PMF1: variants seen among roughly 807,000 people sequenced by gnomAD.
PMF1 encodes polyamine modulated factor 1.
PMF1 carries 21 observed loss-of-function variants against 26.7 expected under a neutral mutation model. The ratio of observed to expected loss-of-function variants is 0.79; its 90% confidence interval spans 0.56 to 1.13. The LOEUF is 1.13. Among genes scored for constraint, PMF1 ranks in the 50% most tolerant of loss-of-function variants. The pLI is 0.00. For synonymous variants in PMF1, 105 were observed against 101.0 expected, an observed-to-expected ratio of 1.04 and a Z score of -0.24; for missense variants, 266 against 254.9, an observed-to-expected ratio of 1.04 and a Z score of -0.30.
chr1:156,215,201 G>C (rs565684159), intron 1 of PMF1, among the ~76,000 whole-genome samples: 1 of 152,134 alleles, frequency 6.6e-6, no homozygotes, highest in South Asian at 2.1e-4. Flanking sequence ...AAGAATTACA[G>C]AACGAATGTA....
intron 1 of PMF1, among the ~76,000 whole-genome samples, chr1:156,231,216 CAAAAAAAAAAAAAAA>C (rs71080753): frequency 6.2e-5 from 3 of 48,396 alleles, no homozygotes; most frequent in South Asian, 2.2e-3. Context: ...GACTCCATCT[CAAAAAAAAAAAAAAA>C]AAAAAAAAAA....
chr1:156,217,985 G>A (rs1184876859), intron 1 of PMF1, among the ~76,000 whole-genome samples: 1 of 152,210 alleles, frequency 6.6e-6, no homozygotes, highest in South Asian at 2.1e-4. Flanking sequence ...TGTTCCATCA[G>A]ATTACTTTCC....
chr1:156,226,106 C>T (rs1025519155), intron 1 of PMF1, among the ~76,000 whole-genome samples: 5 of 152,110 alleles, frequency 3.3e-5, no homozygotes, highest in African/African-American at 9.7e-5. Flanking sequence ...CCCCCCACTT[C>T]GGCCTCCCAA....
chr1:156,230,496 C>T (rs1658632251), intron 1 of PMF1, among the ~76,000 whole-genome samples: 1 of 152,152 alleles, frequency 6.6e-6, no homozygotes, highest in Non-Finnish European at 1.5e-5. Flanking sequence ...ACCTCGAATA[C>T]CCAGTTCCTG....
chr1:156,232,360 T>C lies in PMF1; in HGVS notation c.202T>C (p.Leu68=), dbSNP rs746880643. Residue 68 remains leucine, a synonymous_variant, in exon 2 of 5, where the codon TTG becomes CTG. Transcript: ENST00000368277. ...FTDCYKCFYQ[L]QPAMTQQIYD... ...TGACTGCTATAAGTGCTTCTACCAG[T>C]TGCAGCCTGCGATGACACAGCAAAT... 2 of 1,614,048 alleles carry C rather than the reference T, an allele frequency of 1.2e-6. No individual in the cohort carries two copies. The highest frequency in any genetic ancestry group is 1.7e-6 in the Non-Finnish European group (2 of 1,179,912).
chr1:156,239,470 T>C, intron 4 of PMF1, 78 bp from the exon 5 acceptor site: 1 of 1,170,810 alleles, frequency 8.5e-7, no homozygotes, highest in Non-Finnish European at 1.3e-6. Flanking sequence ...ACCCCAGGCC[T>C]GGAGTCAGGG....
chr1:156,214,062 C>T (rs1204842389), intron 1 of PMF1, among the ~76,000 whole-genome samples: 2 of 152,210 alleles, frequency 1.3e-5, no homozygotes, highest in East Asian at 3.8e-4. Context: ...CAGGTGCACA[C>T]TACCACACCC....
In PMF1 at chr1:156,233,737, G is replaced by T. The variant is rs370004671; in HGVS notation, c.368+9G>T. 6.2e-7 allele frequency: 1 copy of T among 1,612,176 alleles called. No homozygotes were observed. The highest frequency in any genetic ancestry group is 2.2e-5 in the East Asian group (1 of 44,800). ...CGCAAAGAGCCAGCCTGGTGAGAGT[G>T]GGGTGGGGAGGTGAGAAGGTACAGG... On this transcript the variant is annotated intron_variant, in intron 3 of 4. Coordinates refer to ENST00000368277, the MANE Select transcript of PMF1 (RefSeq NM_007221.4).
In PMF1 at chr1:156,239,640, C is replaced by G; in HGVS notation, c.*39C>G. 1 of 1,576,984 alleles carries G rather than the reference C, an allele frequency of 6.3e-7. No homozygotes were observed. The highest frequency in any genetic ancestry group is 1.1e-5 in the South Asian group (1 of 90,034). ...CCCAGAAGCAGAGGGCAGTCAAGGTCAAGAGCCTGTGGTCCAGCATGCCTG... is the reference window on the plus strand; with the variant it reads ...CCCAGAAGCAGAGGGCAGTCAAGGTGAAGAGCCTGTGGTCCAGCATGCCTG... On this transcript the variant is annotated 3_prime_UTR_variant, in exon 5 of 5. Coordinates refer to ENST00000368277, the MANE Select transcript of PMF1 (RefSeq NM_007221.4).
intron 1 of PMF1, chr1:156,225,625 A>G: frequency 2.2e-5 from 35 of 1,564,184 alleles, no homozygotes; most frequent in Non-Finnish European, 3.0e-5. Context: ...TCTGTGAAAC[A>G]GGCCTTCAGT....
intron 1 of PMF1, among the ~76,000 whole-genome samples, chr1:156,224,884 A>G (rs192670121): frequency 1.3e-5 from 2 of 151,548 alleles, no homozygotes; most frequent in African/African-American, 4.9e-5. Context: ...GGAGAGAGAA[A>G]AAGACCAAAT....
intron 4 of PMF1, chr1:156,237,434 G>A (rs1659086718): frequency 7.3e-6 from 1 of 136,346 alleles, no homozygotes; most frequent in Non-Finnish European, 1.6e-5. Context: ...TCACCAGCAT[G>A]TTATTTTTTG....
chr1:156,236,312 G>C lies in PMF1; in HGVS notation c.393G>C (p.Lys131Asn). 2 of 1,610,800 alleles carry C rather than the reference G, an allele frequency of 1.2e-6. No homozygotes were observed. Among genetic ancestry groups the C allele is most frequent in the Non-Finnish European group, 1.7e-6 (2 of 1,177,220 alleles). ...PAWRPSGIPE[K>N]DLHSVMAPYF... is the part of the protein sequence containing the mutation. The stretch of plus-strand genomic sequence containing the variant: ...GGCGCCCCAGCGGGATCCCAGAGAA[G>C]GATCTGCACAGTGTTATGGCACCCT... Residue 131 changes from lysine to asparagine, a missense_variant, in exon 4 of 5, where the codon AAG becomes AAC. Coordinates refer to ENST00000368277, the MANE Select transcript of PMF1 (RefSeq NM_007221.4).
intron 1 of PMF1, among the ~76,000 whole-genome samples, chr1:156,222,122 C>G (rs1658207685): frequency 6.6e-6 from 1 of 152,194 alleles, no homozygotes; most frequent in Admixed American, 6.5e-5. Flanking sequence ...TGTACAAGGC[C>G]ATTCCTTCCC....
At chr1:156,215,169 C>T (rs1284550858) in intron 1 of PMF1, among the ~76,000 whole-genome samples, 4 of 152,042 alleles carry the variant, frequency 2.6e-5, no homozygotes, top group Non-Finnish European at 5.9e-5. Context: ...AGCCACTGCA[C>T]CCAGGCGGAA....
intron 1 of PMF1, among the ~76,000 whole-genome samples, chr1:156,214,976 C>A (rs1217588409): frequency 6.6e-6 from 1 of 151,560 alleles, no homozygotes. Context: ...CTGCCGGGTT[C>A]AAGTGATTCT....
Position 156,213,171 on chromosome 1 carries a change from C to T in PMF1, c.156C>T (p.Ala52=). ...CTTTTCTTCAGAAGCTGGTCGCCGCCGGCAGGTAAAGTGGACGCAGCCGCG... is the reference window on the plus strand; with the variant it reads ...CTTTTCTTCAGAAGCTGGTCGCCGCTGGCAGGTAAAGTGGACGCAGCCGCG... ...VDTFLQKLVA[A]GSYQRFTDCY... Residue 52 remains alanine (A), a synonymous_variant, in exon 1 of 5, where the codon GCC becomes GCT. Transcript: ENST00000368277. The T allele has an allele frequency of 6.2e-7, 1 of 1,612,744 alleles. No homozygotes were observed. Among genetic ancestry groups the T allele is most frequent in the Non-Finnish European group, 8.5e-7 (1 of 1,178,870 alleles).
At chr1:156,237,791 C>G (rs908762852) in intron 4 of PMF1, among the ~76,000 whole-genome samples, 1 of 152,004 alleles carries the variant, frequency 6.6e-6, no homozygotes, top group African/African-American at 2.4e-5. Context: ...CAGTCTTGCT[C>G]TGTTGCCCAG....
Position 156,225,623 on chromosome 1 carries a change from A to G in PMF1, c.162-6697A>G, listed in dbSNP as rs1285607892. Reference sequence around the variant, plus strand: ...TGCCCTCTGGTGGACAGTCTGTGAAACAGGCCTTCAGTTGGGCGGCGTGCA... The same window carrying G: ...TGCCCTCTGGTGGACAGTCTGTGAAGCAGGCCTTCAGTTGGGCGGCGTGCA... On this transcript the variant is annotated intron_variant, in intron 1 of 4. Coordinates refer to ENST00000368277, the MANE Select transcript of PMF1 (RefSeq NM_007221.4). The G allele has an allele frequency of 2.6e-6, 4 of 1,563,964 alleles. No homozygotes were observed. In the East Asian group the frequency reaches 9.4e-5, roughly 37 times the overall value.
Sources: allele counts gnomAD v4.1 joint callset (sites outside exome capture counted in the v4.1 genomes callset), GRCh38; gene constraint gnomAD v4.1.1; transcripts MANE v1.5; gene names NCBI Gene and HGNC (gene_info 2026-07-23, HGNC 2026-07-21).